COL22A1: variants seen among roughly 807,000 people sequenced by gnomAD.
COL22A1 encodes collagen type XXII alpha 1 chain.
Under a neutral mutation model 248.9 loss-of-function variants are expected in COL22A1, and 221 were observed. The observed-to-expected ratio is 0.89, with a 90% confidence interval of 0.80 to 0.99. The LOEUF (loss-of-function observed/expected upper bound fraction) is 0.99. Ranked by LOEUF, COL22A1 falls within the 50% of genes least tolerant of loss-of-function variation. The probability of loss-of-function intolerance (pLI) is 0.00; values close to 1 mark genes in which losing one functional copy is unlikely to be tolerated. For missense variants in COL22A1, 2,240 were observed against 2,179.0 expected (o/e 1.03, Z -0.56); for synonymous variants, 891 against 793.4 (o/e 1.12, Z -2.07).
intron 31 of COL22A1, among the ~76,000 whole-genome samples, chr8:138,703,025 G>A (rs1225819626): frequency 6.6e-6 from 1 of 152,198 alleles, no homozygotes; most frequent in Admixed American, 6.5e-5. Flanking sequence ...CTTGTCTCTG[G>A]ACCTCAGTTT....
At chr8:138,903,006 G>T (rs1385837902) in intron 1 of COL22A1, among the ~76,000 whole-genome samples, 3 of 152,050 alleles carry the variant, frequency 2.0e-5, no homozygotes, top group East Asian at 1.9e-4. Context: ...TCAGACTGGC[G>T]GGGCTAACAC....
At chr8:138,769,966 G>T (rs1834226072) in intron 16 of COL22A1, among the ~76,000 whole-genome samples, 1 of 152,166 alleles carries the variant, frequency 6.6e-6, no homozygotes, top group African/African-American at 2.4e-5. Flanking sequence ...CCCTGCACTT[G>T]CTCTCATAAC....
chr8:138,681,719 C>G (rs897407926), intron 39 of COL22A1, among the ~76,000 whole-genome samples: 1 of 152,194 alleles, frequency 6.6e-6, no homozygotes, highest in South Asian at 2.1e-4. Context: ...GAATCTAGGT[C>G]CTAATTCCTT....
At chr8:138,744,653 G>C (rs1831962846) in intron 22 of COL22A1, among the ~76,000 whole-genome samples, 1 of 152,166 alleles carries the variant, frequency 6.6e-6, no homozygotes, top group Admixed American at 6.5e-5. Flanking sequence ...CTAATTAGTA[G>C]AATGGGATTA....
intron 34 of COL22A1, 90 bp from the exon 35 acceptor site, chr8:138,693,789 T>C: frequency 2.2e-6 from 3 of 1,362,718 alleles, no homozygotes; most frequent in Non-Finnish European, 3.1e-6. Flanking sequence ...AATACCGTGC[T>C]CATCAGAAGC....
intron 38 of COL22A1, 90 bp downstream of exon 38, chr8:138,685,118 G>T: frequency 1.1e-6 from 1 of 927,706 alleles, no homozygotes; most frequent in Non-Finnish European, 1.7e-6. Context: ...TTCAATTTCT[G>T]CAAAGTTTGG....
intron 30 of COL22A1, among the ~76,000 whole-genome samples, chr8:138,708,428 C>G (rs906847487): frequency 6.6e-6 from 1 of 152,166 alleles, no homozygotes; most frequent in Non-Finnish European, 1.5e-5. Context: ...GGTACTGGTA[C>G]CAAAACGGAG....
intron 12 of COL22A1, among the ~76,000 whole-genome samples, chr8:138,792,775 T>C (rs1042925122): frequency 2.1e-4 from 32 of 152,318 alleles, no homozygotes; most frequent in Non-Finnish European, 3.7e-4. Flanking sequence ...TTATATTCAG[T>C]GTATGGGCCA....
At chr8:138,809,919 A>T (rs1385507423) in intron 9 of COL22A1, among the ~76,000 whole-genome samples, 1 of 152,232 alleles carries the variant, frequency 6.6e-6, no homozygotes, top group Non-Finnish European at 1.5e-5. Context: ...GCTATGTATT[A>T]GTAGCTGAAA....
chr8:138,904,842 A>G (rs1370442878), intron 1 of COL22A1, among the ~76,000 whole-genome samples: 1 of 152,212 alleles, frequency 6.6e-6, no homozygotes, highest in African/African-American at 2.4e-5. Flanking sequence ...GAATAATGAG[A>G]AGCCACATGC....
chr8:138,602,261 A>G (rs909882909), intron 59 of COL22A1, 102 bp from the exon 60 acceptor site: 1 of 1,348,866 alleles, frequency 7.4e-7, no homozygotes, highest in African/African-American at 1.5e-5. Context: ...AGGACAAGGG[A>G]CCCTCAAAAG....
intron 22 of COL22A1, among the ~76,000 whole-genome samples, chr8:138,739,200 T>C (rs1224357861): frequency 6.6e-6 from 1 of 152,132 alleles, no homozygotes; most frequent in South Asian, 2.1e-4. Context: ...CAGCCTGCCC[T>C]CCATGACCTC....
At chr8:138,695,743 C>T (rs1422466077) in intron 32 of COL22A1, among the ~76,000 whole-genome samples, 1 of 152,092 alleles carries the variant, frequency 6.6e-6, no homozygotes, top group Non-Finnish European at 1.5e-5. Context: ...CCCAACACAT[C>T]TCCCAGGAGG....
intron 3 of COL22A1, among the ~76,000 whole-genome samples, chr8:138,850,474 A>T (rs1821550798): frequency 6.6e-6 from 1 of 152,156 alleles, no homozygotes; most frequent in Non-Finnish European, 1.5e-5. Flanking sequence ...CCTTGTCCCT[A>T]ACTCAGAAAG....
chr8:138,900,084 A>G (rs1017704988), intron 1 of COL22A1, among the ~76,000 whole-genome samples: 9 of 152,138 alleles, frequency 5.9e-5, no homozygotes, highest in Non-Finnish European at 1.3e-4. Flanking sequence ...ACAGCTGAGT[A>G]ACCTCATGTT....
chr8:138,732,264 A>C (rs10099637), intron 23 of COL22A1, among the ~76,000 whole-genome samples: 1 of 152,194 alleles, frequency 6.6e-6, no homozygotes, highest in Non-Finnish European at 1.5e-5. Flanking sequence ...CAGGAAGGCC[A>C]AGAATAAAAC....
chr8:138,701,148 C>T (rs1827932616), intron 31 of COL22A1, among the ~76,000 whole-genome samples: 1 of 152,184 alleles, frequency 6.6e-6, no homozygotes, highest in Admixed American at 6.5e-5. Flanking sequence ...AATGTCGTGT[C>T]TTCACGGATC....
intron 1 of COL22A1, among the ~76,000 whole-genome samples, chr8:138,894,937 T>C (rs904255536): frequency 6.6e-5 from 10 of 152,010 alleles, no homozygotes; most frequent in African/African-American, 2.4e-4. Flanking sequence ...TACATGCCTG[T>C]AGTCCCAGCT....
chr8:138,668,706 G>A (rs1314397793), intron 41 of COL22A1, among the ~76,000 whole-genome samples: 1 of 152,186 alleles, frequency 6.6e-6, no homozygotes, highest in East Asian at 1.9e-4. Flanking sequence ...CATGTGTGCA[G>A]GCCTAGTGCT....
Sources: allele counts gnomAD v4.1 joint callset (sites outside exome capture counted in the v4.1 genomes callset), GRCh38; gene constraint gnomAD v4.1.1; transcripts MANE v1.5; gene names NCBI Gene and HGNC (gene_info 2026-07-23, HGNC 2026-07-21).